Variants in SULF2 observed in about 807,000 individuals in gnomAD.
SULF2 encodes sulfatase 2.
Under a neutral mutation model 107.7 loss-of-function variants are expected in SULF2, and 52 were observed. The ratio of observed to expected loss-of-function variants is 0.48; its 90% CI spans 0.39 to 0.61. SULF2 has a LOEUF of 0.61. Among genes scored for constraint, SULF2 ranks in the 20% least tolerant of loss-of-function variants. The pLI is 0.00. For synonymous variants in SULF2, 460 were observed against 464.3 expected (o/e 0.99, Z 0.12); for missense variants, 993 against 1,177.3 (o/e 0.84, Z 2.29).
intron 11 of SULF2, among the ~76,000 whole-genome samples, chr20:47,668,045 C>T (rs938232161): frequency 6.6e-6 from 1 of 152,226 alleles, no homozygotes; most frequent in Non-Finnish European, 1.5e-5. Context: ...TTCTCTCCCT[C>T]GGTTTAGTCT....
intron 2 of SULF2, 98 bp downstream of exon 2, chr20:47,757,088 CACG>C: frequency 9.1e-7 from 1 of 1,100,132 alleles, no homozygotes; most frequent in Non-Finnish European, 1.3e-6. Flanking sequence ...CAAAAGTGAG[CACG>C]ACGCATCAAC....
At chr20:47,669,800 G>A (rs1157295988) in intron 11 of SULF2, among the ~76,000 whole-genome samples, 1 of 152,078 alleles carries the variant, frequency 6.6e-6, no homozygotes, top group Non-Finnish European at 1.5e-5. Flanking sequence ...CTACTTTTAG[G>A]TATTTTTCTT....
intron 1 of SULF2, among the ~76,000 whole-genome samples, chr20:47,781,009 A>G (rs2090823355): frequency 1.3e-5 from 2 of 152,230 alleles, no homozygotes; most frequent in Non-Finnish European, 2.9e-5. Flanking sequence ...CCTCCCTAGA[A>G]GTTTGATTCA....
rs143826917 is a variant in SULF2 at position 47,719,068 on chromosome 20, T to G, written c.416-16398A>C. 6.6e-3 allele frequency among the ~76,000 whole-genome samples: 1,002 copies of G among 152,348 alleles called. 9 individuals carry two copies. The highest frequency in any genetic ancestry group is 0.011 in the Non-Finnish European group (761 of 68,032). On this transcript the variant is annotated intron_variant, in intron 3 of 20. Coordinates refer to ENST00000688720, the MANE Select transcript of SULF2 (RefSeq NM_001387048.1). ...ATTATGAATGATGGTCCCTGGGACT[T>G]TGTCACCAATGGGAATTACGGATAT... is the stretch of plus-strand genomic sequence containing the variant.
At chr20:47,748,318 T>G (rs2090090308) in intron 2 of SULF2, among the ~76,000 whole-genome samples, 1 of 152,204 alleles carries the variant, frequency 6.6e-6, no homozygotes, top group Non-Finnish European at 1.5e-5. Context: ...GGTTTCCACA[T>G]GAATGTCTCC....
chr20:47,739,833 A>G (rs4810676), intron 2 of SULF2, among the ~76,000 whole-genome samples: 53,334 of 152,160 alleles, frequency 0.35, 9,624 homozygotes, highest in African/African-American at 0.42. Context: ...TATCTCAGGA[A>G]TCCAAACCAG....
intron 5 of SULF2, among the ~76,000 whole-genome samples, chr20:47,687,197 C>A (rs1179793960): frequency 6.6e-6 from 1 of 152,138 alleles, no homozygotes; most frequent in African/African-American, 2.4e-5. Context: ...GCAGCCCCGG[C>A]TCGGAGAGAG....
At chr20:47,725,735 T>C (rs529200078) in intron 3 of SULF2, among the ~76,000 whole-genome samples, 1 of 152,264 alleles carries the variant, frequency 6.6e-6, no homozygotes, top group East Asian at 1.9e-4. Flanking sequence ...CCAGCCTGCC[T>C]CTCTGCTTTG....
At chr20:47,784,366 G>C (rs1012895866) in intron 1 of SULF2, among the ~76,000 whole-genome samples, 2 of 152,076 alleles carry the variant, frequency 1.3e-5, no homozygotes, top group South Asian at 2.1e-4. Flanking sequence ...TTCCAGAAAG[G>C]GGGGCAGGGA....
In SULF2 at chr20:47,757,587, G is replaced by A. The variant is rs939513486; in HGVS notation, c.-100-124C>T. The A allele has an allele frequency of 7.7e-6, 4 of 517,996 alleles. No individual in the cohort carries two copies. In the East Asian group the frequency reaches 1.2e-4, roughly 16 times the overall value. 32.1% of individuals were successfully genotyped at this position (517,996 alleles called of 1,614,324 possible). ...AGTTTCTTTGAACAGGGGTGGCTAT[G>A]GCAGAGTGAAAACCGAACTCCGCTG... is the stretch of plus-strand genomic sequence containing the variant. On this transcript the variant is annotated intron_variant, in intron 1 of 20. Coordinates refer to ENST00000688720, the MANE Select transcript of SULF2 (RefSeq NM_001387048.1).
At chr20:47,762,127 C>T (rs1264139177) in intron 1 of SULF2, among the ~76,000 whole-genome samples, 1 of 152,238 alleles carries the variant, frequency 6.6e-6, no homozygotes, top group Non-Finnish European at 1.5e-5. Context: ...TCGGGTATGT[C>T]TTTATCAGCA....
At chr20:47,669,310 C>T (rs2087384813) in intron 11 of SULF2, among the ~76,000 whole-genome samples, 1 of 152,188 alleles carries the variant, frequency 6.6e-6, no homozygotes, top group Non-Finnish European at 1.5e-5. Context: ...CAGCCAGGAT[C>T]CCCGTGGATC....
chr20:47,754,109 A>G (rs1237898902), intron 2 of SULF2, among the ~76,000 whole-genome samples: 2 of 152,206 alleles, frequency 1.3e-5, no homozygotes, highest in Non-Finnish European at 2.9e-5. Flanking sequence ...AAAATTGAAT[A>G]TACGTGGTAC....
intron 3 of SULF2, among the ~76,000 whole-genome samples, chr20:47,729,786 C>A (rs1000429126): frequency 6.6e-6 from 1 of 152,018 alleles, no homozygotes; most frequent in Non-Finnish European, 1.5e-5. Context: ...GGGTTCAGGG[C>A]AAGGGGCTAA....
rs2089838331 is a variant in SULF2, at chr20:47,739,947, C to T, written c.176-3005G>A. Among the ~76,000 whole-genome samples, 2 of 152,298 alleles carry T rather than the reference C, an allele frequency of 1.3e-5. 1 individual carries two copies. Among genetic ancestry groups the T allele is most frequent in the Admixed American group, 1.3e-4 (2 of 15,298 alleles). The stretch of plus-strand genomic sequence containing the variant: ...TATGTGCTCTCCAGTTTGCCACACT[C>T]CCCCGTGCTCCCTACAGTCTTACAC... On this transcript the variant is annotated intron_variant, in intron 2 of 20. Transcript: ENST00000688720.
rs77795883 is a variant in SULF2, at chr20:47,754,583, T to C, written c.175+2606A>G. 6.5e-3 allele frequency among the ~76,000 whole-genome samples: 990 copies of C among 152,276 alleles called. 13 individuals are homozygous for C. Among genetic ancestry groups the C allele is most frequent in the African/African-American group, 0.022 (930 of 41,554 alleles). ...CCTAATCTATGCTGTGTAGTGCTAT[T>C]GGGCAAGAGCTGACACAGGCCACTG... On this transcript the variant is annotated intron_variant, in intron 2 of 20. Transcript: ENST00000688720.
chr20:47,669,065 C>T (rs957543552), intron 11 of SULF2, among the ~76,000 whole-genome samples: 1 of 152,222 alleles, frequency 6.6e-6, no homozygotes, highest in Non-Finnish European at 1.5e-5. Flanking sequence ...CTCCTTCATG[C>T]GTTTTTCACC....
chr20:47,776,660 C>T (rs888652704), intron 1 of SULF2, among the ~76,000 whole-genome samples: 1 of 152,176 alleles, frequency 6.6e-6, no homozygotes, highest in Non-Finnish European at 1.5e-5. Context: ...ACACCACTGA[C>T]CTGGAAGACT....
intron 3 of SULF2, among the ~76,000 whole-genome samples, chr20:47,711,368 T>C (rs1055375156): frequency 1.3e-5 from 2 of 152,212 alleles, no homozygotes; most frequent in African/African-American, 4.8e-5. Context: ...GAAACGACAG[T>C]GCACCCCCAC....
Sources: allele counts gnomAD v4.1 joint callset (sites outside exome capture counted in the v4.1 genomes callset), GRCh38; gene constraint gnomAD v4.1.1; transcripts MANE v1.5; gene names NCBI Gene and HGNC (gene_info 2026-07-23, HGNC 2026-07-21).